Variants in AKAP10 observed in about 807,000 individuals in gnomAD.
AKAP10 encodes A-kinase anchoring protein 10, also known as A-kinase anchor protein 10, mitochondrial.
AKAP10 carries 24 observed loss-of-function variants against 80.8 expected under a neutral mutation model. The ratio of observed to expected loss-of-function variants is 0.30; its 90% CI spans 0.22 to 0.42. The LOEUF (loss-of-function observed/expected upper bound fraction) is 0.42. AKAP10 is among the 10% of genes least tolerant of loss of function. The probability of loss-of-function intolerance (pLI) is 1.00; values close to 1 mark genes in which losing one functional copy is unlikely to be tolerated. For missense variants in AKAP10, 661 were observed against 794.9 expected (o/e 0.83, Z 2.03); for synonymous variants, 291 against 277.7 (o/e 1.05, Z -0.48).
At chr17:19,931,687 G>C in intron 10 of AKAP10, 118 bp downstream of exon 10, 1 of 1,253,212 alleles carries the variant, frequency 8.0e-7, no homozygotes, top group African/African-American at 1.5e-5. Flanking sequence ...CACTGTGCCT[G>C]GCTTTTATCT....
chr17:19,912,850 G>A (rs924965232), intron 12 of AKAP10, among the ~76,000 whole-genome samples: 1 of 152,188 alleles, frequency 6.6e-6, no homozygotes, highest in Non-Finnish European at 1.5e-5. Flanking sequence ...CAGAGGAAGG[G>A]GAGCCGAACT....
At chr17:19,944,592 T>G (rs534879089) in intron 5 of AKAP10, among the ~76,000 whole-genome samples, 1 of 151,946 alleles carries the variant, frequency 6.6e-6, no homozygotes, top group Non-Finnish European at 1.5e-5. Context: ...GAGGCGGAGG[T>G]TGCCGTGAGC....
At chr17:19,911,725 C>T (rs1362153270) in intron 12 of AKAP10, among the ~76,000 whole-genome samples, 1 of 150,104 alleles carries the variant, frequency 6.7e-6, no homozygotes, top group African/African-American at 2.4e-5. Flanking sequence ...ATCCCAGCTA[C>T]TCGGGAGGCT....
At chr17:19,912,978 TTTC>T (rs1013319434) in intron 12 of AKAP10, among the ~76,000 whole-genome samples, 1 of 150,326 alleles carries the variant, frequency 6.7e-6, no homozygotes, top group African/African-American at 2.4e-5. Context: ...AATTTCTTTC[TTTC>T]TTTTTTTTTT....
At position 19,941,829 on chromosome 17, in the gene AKAP10, T is replaced by A; in HGVS notation, c.1058A>T (p.Gln353Leu). Residue 353 changes from glutamine (Q) to leucine (L), a missense_variant, in exon 6 of 15, where the codon CAA becomes CTA. Coordinates refer to ENST00000225737, the MANE Select transcript of AKAP10 (RefSeq NM_007202.4). ...GTGAAAATATGAACTAACTTACTCT[T>A]GCTCCATTGCACTAAAGACTATGGA... ...AQSIVFSAME[Q>L]EHFSEFLRSH... The A allele has an allele frequency of 1.3e-6, 2 of 1,589,452 alleles. No individual in the cohort carries two copies. Among genetic ancestry groups the A allele is most frequent in the Non-Finnish European group, 8.6e-7 (1 of 1,167,722 alleles).
intron 10 of AKAP10, among the ~76,000 whole-genome samples, chr17:19,928,816 G>C (rs992425716): frequency 2.0e-5 from 3 of 152,134 alleles, no homozygotes; most frequent in African/African-American, 4.8e-5. Context: ...GTTGCAGTGA[G>C]CCGAGATTGT....
chr17:19,957,479 G>A (rs892695336), intron 4 of AKAP10, among the ~76,000 whole-genome samples: 1 of 151,808 alleles, frequency 6.6e-6, no homozygotes, highest in Admixed American at 6.6e-5. Context: ...AGGTTGCAGT[G>A]AGCCGAGACC....
chr17:19,941,068 G>GA, intron 6 of AKAP10, 58 bp from the exon 7 acceptor site: 1 of 1,541,582 alleles, frequency 6.5e-7, no homozygotes, highest in Non-Finnish European at 8.7e-7. Flanking sequence ...GTTTAAGTGG[G>GA]AAAAATATAC....
chr17:19,955,041 G>A (rs2043258146), intron 4 of AKAP10, among the ~76,000 whole-genome samples: 1 of 151,960 alleles, frequency 6.6e-6, no homozygotes, highest in Non-Finnish European at 1.5e-5. Flanking sequence ...CCAACATGGT[G>A]AAACCCCATT....
intron 10 of AKAP10, among the ~76,000 whole-genome samples, chr17:19,930,862 C>T (rs544344943): frequency 1.3e-4 from 20 of 152,258 alleles, no homozygotes; most frequent in Non-Finnish European, 2.6e-4. Flanking sequence ...AGGCATGAGC[C>T]ACCATAACCA....
intron 9 of AKAP10, among the ~76,000 whole-genome samples, chr17:19,933,018 G>C (rs2152413230): frequency 6.6e-6 from 1 of 151,920 alleles, no homozygotes; most frequent in Non-Finnish European, 1.5e-5. Context: ...TGCCTTTGTT[G>C]TTTGTTTTTG....
intron 9 of AKAP10, among the ~76,000 whole-genome samples, chr17:19,934,677 A>G (rs768885123): frequency 1.3e-5 from 2 of 152,220 alleles, no homozygotes; most frequent in Non-Finnish European, 2.9e-5. Context: ...GTAAACGTGC[A>G]TATTATCGTC....
intron 1 of AKAP10, among the ~76,000 whole-genome samples, chr17:19,976,180 AGT>A (rs2152420358): frequency 6.6e-6 from 1 of 152,310 alleles, no homozygotes; most frequent in Admixed American, 6.5e-5. Flanking sequence ...GATTTTGTTT[AGT>A]GCTTTTTCCA....
In AKAP10 at chr17:19,958,069, G is replaced by T. The variant is rs1401608010; in HGVS notation, c.822C>A (p.Ala274=). Residue 274 remains alanine, a synonymous_variant, in exon 4 of 15, where the codon GCC becomes GCA. Coordinates refer to ENST00000225737, the MANE Select transcript of AKAP10 (RefSeq NM_007202.4). ...TQESSSTLTV[A]SRNSPASPLK... The stretch of plus-strand genomic sequence containing the variant: ...GTGGAGAAGCGGGACTATTTCTACT[G>T]GCTACTGTAAGTGTAGAGGAAGATT... The T allele has an allele frequency of 1.2e-6, 2 of 1,614,010 alleles. No homozygotes were observed. Among genetic ancestry groups the T allele is most frequent in the Non-Finnish European group, 1.7e-6 (2 of 1,180,018 alleles).
chr17:19,968,999 C>T (rs1029092305), intron 1 of AKAP10, among the ~76,000 whole-genome samples: 2 of 152,116 alleles, frequency 1.3e-5, no homozygotes, highest in African/African-American at 2.4e-5. Flanking sequence ...TTACTTATTC[C>T]TCCCATAGCA....
chr17:19,971,615 C>A (rs1490823976), intron 1 of AKAP10, among the ~76,000 whole-genome samples: 4 of 152,278 alleles, frequency 2.6e-5, no homozygotes, highest in Middle Eastern at 3.4e-3. Context: ...TTCATTCACG[C>A]AGCTCTAGTT....
intron 10 of AKAP10, among the ~76,000 whole-genome samples, chr17:19,925,533 C>G (rs934629474): frequency 1.3e-5 from 2 of 152,132 alleles, no homozygotes; most frequent in African/African-American, 4.8e-5. Flanking sequence ...AGAAATTCCA[C>G]TTCTAAAAAT....
intron 10 of AKAP10, among the ~76,000 whole-genome samples, chr17:19,926,888 T>C (rs1368369694): frequency 6.6e-6 from 1 of 151,556 alleles, no homozygotes; most frequent in Non-Finnish European, 1.5e-5. Flanking sequence ...TGGGAGGCCA[T>C]GGCAGGTGAA....
Position 19,940,950 on chromosome 17 carries a change from G to A in AKAP10, c.1122C>T (p.Thr374=). The part of the protein sequence containing the change: ...HFCKYQIEVL[T]SGTVYLADIL... ...TGTCAGCCAGGTAAACAGTTCCACT[G>A]GTCAGCACTTCAATCTGGTATTTAC... Residue 374 remains threonine (T), a synonymous_variant, in exon 7 of 15, where the codon ACC becomes ACT. Coordinates refer to ENST00000225737, the MANE Select transcript of AKAP10 (RefSeq NM_007202.4). 6.2e-7 allele frequency: 1 copy of A among 1,612,130 alleles called. No individual in the cohort carries two copies.
Sources: allele counts gnomAD v4.1 joint callset (sites outside exome capture counted in the v4.1 genomes callset), GRCh38; gene constraint gnomAD v4.1.1; transcripts MANE v1.5; gene names NCBI Gene and HGNC (gene_info 2026-07-23, HGNC 2026-07-21).